The following HECW1 variants were observed in gnomAD, a reference collection of about 807,000 sequenced individuals.
HECW1 encodes the protein E3 ubiquitin-protein ligase HECW1.
HECW1 carries 61 observed loss-of-function variants against 182.3 expected under a neutral mutation model. The observed-to-expected ratio is 0.33, with a 90% CI of 0.27 to 0.41. The LOEUF is 0.41. HECW1 is among the 10% of genes least tolerant of loss of function. The pLI, the probability that HECW1 is intolerant of heterozygous loss-of-function variation, is 1.00. For missense variants in HECW1, 1,739 were observed against 2,108.9 expected (o/e 0.82, Z 3.44); for synonymous variants, 859 against 832.6 (o/e 1.03, Z -0.55).
chr7:43,120,187 T>C (rs1453880940), intron 2 of HECW1, among the ~76,000 whole-genome samples: 1 of 152,168 alleles, frequency 6.6e-6, no homozygotes, highest in Non-Finnish European at 1.5e-5. Context: ...CTTGCCACTC[T>C]CCGAGTCCCC....
chr7:43,141,059 C>T (rs1788099745), intron 2 of HECW1, among the ~76,000 whole-genome samples: 1 of 152,206 alleles, frequency 6.6e-6, no homozygotes, highest in Non-Finnish European at 1.5e-5. Context: ...AGGACATCAA[C>T]AGGTGAATTG....
chr7:43,251,309 T>C (rs1800002792), intron 3 of HECW1, among the ~76,000 whole-genome samples: 1 of 152,104 alleles, frequency 6.6e-6, no homozygotes, highest in Non-Finnish European at 1.5e-5. Flanking sequence ...GTTTCTTTCT[T>C]TTTTTCTTTT....
At position 43,444,986 on chromosome 7, in the gene HECW1, C is replaced by A. The variant is rs777459369; in HGVS notation, c.1814C>A (p.Thr605Lys). 1 of 1,557,228 alleles carries A rather than the reference C, an allele frequency of 6.4e-7. No homozygotes were observed. The change falls in exon 11 of 30, where the codon ACG becomes AAG. Residue 605 changes from threonine (T) to lysine (K), a missense_variant. Transcript: ENST00000395891. The surrounding 1 kb of genome is among the most constrained non-coding windows in gnomAD (Gnocchi z 4.3). The part of the protein sequence containing the change: ...SEKDGLSEVD[T>K]VAADPSALEE... ...AAGGATGGGCTCAGCGAGGTGGACA[C>A]GGTGGCCGCTGACCCGTCTGCCCTG...
At chr7:43,541,725 T>C in intron 25 of HECW1, 144 bp from the exon 26 acceptor site, 1 of 651,418 alleles carries the variant, frequency 1.5e-6, no homozygotes, top group Non-Finnish European at 2.3e-6. Context: ...GACTGAATAA[T>C]CTGATTCATC....
chr7:43,247,863 A>AAG (rs1333401345), intron 3 of HECW1, among the ~76,000 whole-genome samples: 6 of 113,158 alleles, frequency 5.3e-5, no homozygotes, highest in African/African-American at 3.4e-4. Context: ...GAAGGAAAGA[A>AAG]AGAAGAAAGC....
At chr7:43,493,592 G>T (rs1773662016) in intron 19 of HECW1, among the ~76,000 whole-genome samples, 1 of 152,162 alleles carries the variant, frequency 6.6e-6, no homozygotes, top group Non-Finnish European at 1.5e-5. Context: ...AGTTTCTTGT[G>T]TGTTCTAACT....
intron 26 of HECW1, among the ~76,000 whole-genome samples, chr7:43,542,652 G>A (rs1303978153): frequency 6.6e-6 from 1 of 152,066 alleles, no homozygotes; most frequent in Admixed American, 6.6e-5. Flanking sequence ...ATGAACATGA[G>A]TGTACACATA....
At chr7:43,533,302 G>A (rs1052493453) in intron 24 of HECW1, among the ~76,000 whole-genome samples, 5 of 152,178 alleles carry the variant, frequency 3.3e-5, no homozygotes, top group African/African-American at 1.2e-4. Flanking sequence ...TACCAGGGAA[G>A]CAGTGTCTGG....
chr7:43,120,493 C>T lies in HECW1; in HGVS notation c.-32+6102C>T, dbSNP rs116098279. 5.9e-3 allele frequency among the ~76,000 whole-genome samples: 905 copies of T among 152,226 alleles called. 7 individuals carry two copies. Among genetic ancestry groups the T allele is most frequent in the African/African-American group, 0.021 (875 of 41,526 alleles). The stretch of plus-strand genomic sequence containing the variant: ...CAGGAACCTATTTGTTTACCCAGTG[C>T]CTGGAAAAGTGTCTGGAACATATTA... On this transcript the variant is annotated intron_variant, in intron 2 of 29. Coordinates refer to ENST00000395891, the MANE Select transcript of HECW1 (RefSeq NM_015052.5).
intron 19 of HECW1, among the ~76,000 whole-genome samples, chr7:43,497,194 C>A (rs2079153295): frequency 1.3e-5 from 2 of 152,058 alleles, no homozygotes; most frequent in African/African-American, 4.8e-5. Context: ...GATGAGAAGG[C>A]ATTGTCCCTT....
rs55737556 is a variant in HECW1 at position 43,541,847 on chromosome 7, C to T, written c.4119-22C>T. 3.9e-4 allele frequency: 568 copies of T among 1,438,832 alleles called. 1 individual carries two copies. In the African/African-American group the frequency reaches 6.9e-3, roughly 18 times the overall value. The allele number at this position is 1,438,832 out of a possible 1,614,324, so 89.1% of individuals were successfully genotyped here. On this transcript the variant is annotated intron_variant, in intron 25 of 29. Transcript: ENST00000395891. ...GGCAGCCATTTGTTTGGTAATTTGC[C>T]TTTCTCACTGAATTCACCCAGGCCC... is the stretch of plus-strand genomic sequence containing the variant.
chr7:43,473,137 GC>G (rs2078086460), intron 16 of HECW1, among the ~76,000 whole-genome samples: 2 of 152,076 alleles, frequency 1.3e-5, no homozygotes, highest in African/African-American at 2.4e-5. Context: ...GTTAAAAACA[GC>G]CTGGCACCCA....
intron 2 of HECW1, among the ~76,000 whole-genome samples, chr7:43,185,110 G>C (rs567853620): frequency 6.6e-6 from 1 of 151,996 alleles, no homozygotes; most frequent in Non-Finnish European, 1.5e-5. Flanking sequence ...ATCAATGCCC[G>C]TGTAGTGAAG....
intron 6 of HECW1, among the ~76,000 whole-genome samples, chr7:43,363,562 G>A (rs1238735598): frequency 2.0e-5 from 3 of 152,114 alleles, no homozygotes; most frequent in Admixed American, 6.5e-5. Flanking sequence ...GAGCTCGATC[G>A]CATAGCCCCT....
chr7:43,342,152 G>T (rs1813083769), intron 5 of HECW1, among the ~76,000 whole-genome samples: 1 of 151,766 alleles, frequency 6.6e-6, no homozygotes, highest in South Asian at 2.1e-4. Flanking sequence ...ACCTTAAGGA[G>T]ATTCAACAGG....
chr7:43,543,378 G>A (rs1404218258), intron 26 of HECW1, among the ~76,000 whole-genome samples: 1 of 152,168 alleles, frequency 6.6e-6, no homozygotes, highest in East Asian at 1.9e-4. Flanking sequence ...ACATTCTGTT[G>A]TATTTCTTCT....
chr7:43,258,104 C>G (rs891012343), intron 3 of HECW1, among the ~76,000 whole-genome samples: 7 of 152,100 alleles, frequency 4.6e-5, no homozygotes, highest in African/African-American at 1.7e-4. Flanking sequence ...CTGTGGGAGG[C>G]CAAGGCAGGT....
intron 2 of HECW1, among the ~76,000 whole-genome samples, chr7:43,227,300 G>T (rs1797513985): frequency 6.6e-6 from 1 of 151,924 alleles, no homozygotes; most frequent in East Asian, 1.9e-4. Context: ...TTTTTTTAGG[G>T]GTGTGAGTTT....
chr7:43,218,459 A>G (rs779763784), intron 2 of HECW1, among the ~76,000 whole-genome samples: 1 of 152,142 alleles, frequency 6.6e-6, no homozygotes, highest in Non-Finnish European at 1.5e-5. Flanking sequence ...CTTAGAAGCA[A>G]TTGGGTCCTG....
Sources: gnomAD v4.1 joint callset for allele counts (sites outside exome capture counted in the v4.1 genomes callset) on GRCh38, gnomAD v4.1.1 for gene constraint, Gnocchi (gnomAD v3.1) non-coding constraint, MANE v1.5 for transcripts, NCBI Gene and HGNC (gene_info 2026-07-23, HGNC 2026-07-21) for gene names.